MYO18B: variants seen among roughly 807,000 people sequenced by gnomAD.
MYO18B encodes myosin XVIIIB, also known as unconventional myosin-XVIIIb.
MYO18B carries 204 observed loss-of-function variants against 273.0 expected under a neutral mutation model. The ratio of observed to expected loss-of-function variants is 0.75; its 90% CI spans 0.67 to 0.84. MYO18B has a LOEUF of 0.84. Ranked by LOEUF, MYO18B falls within the 40% of genes least tolerant of loss-of-function variation. The pLI is 0.00. For missense variants in MYO18B, 3,212 were observed against 3,287.6 expected (o/e 0.98, Z 0.56); for synonymous variants, 1,330 against 1,305.7 (o/e 1.02, Z -0.40).
At chr22:25,862,011 G>A (rs1318729935) in intron 21 of MYO18B, among the ~76,000 whole-genome samples, 1 of 152,104 alleles carries the variant, frequency 6.6e-6, no homozygotes, top group Non-Finnish European at 1.5e-5. Context: ...AAAAAGGATG[G>A]TTGTGTCTGA....
In MYO18B at chr22:25,823,656, C is replaced by T. The variant is rs746038325; in HGVS notation, c.2673C>T (p.Leu891=). 2.2e-5 allele frequency: 35 copies of T among 1,613,806 alleles called. No homozygotes were observed. In the East Asian group the frequency reaches 2.5e-4, roughly 11 times the overall value. The change falls in exon 13 of 44, where the codon CTC becomes CTT. Residue 891 remains leucine (L), a synonymous_variant. Transcript: ENST00000335473. The part of the protein sequence containing the change: ...QMTFGPSRWG[L]EDEETSSGLK... ...CGTTTGGGCCAAGCCGATGGGGCCT[C>T]GAGGATGAGGAAACCAGCTCAGGTA... is the stretch of plus-strand genomic sequence containing the variant.
In MYO18B at chr22:25,797,015, G is replaced by A. The variant is rs147346559; in HGVS notation, c.2377-938G>A. On this transcript the variant is annotated intron_variant, in intron 11 of 43. Coordinates refer to ENST00000335473, the MANE Select transcript of MYO18B (RefSeq NM_032608.7). ...GGCTGAGGTGGGCAGATCACTTGAG[G>A]TCAGGAGTTCAAGACCAGCCTGGCC... Among the ~76,000 whole-genome samples, 263 of 152,256 alleles carry A rather than the reference G, an allele frequency of 1.7e-3. 2 individuals are homozygous for A. Among genetic ancestry groups the A allele is most frequent in the African/African-American group, 6.0e-3 (251 of 41,548 alleles).
In MYO18B at chr22:25,921,855, T is replaced by TGTGC. The variant is rs1491121593; in HGVS notation, c.5517+447_5517+448insTGCG. ...GTGTGTGTGTGTGTGTGTGTGTGTG[T>TGTGC]GGTGACTGCCAGGACTAGGTATGAG... On this transcript the variant is annotated intron_variant, in intron 34 of 43. Transcript: ENST00000335473. Among the ~76,000 whole-genome samples, 1,062 of 142,894 alleles carry TGTGC rather than the reference T, an allele frequency of 7.4e-3. 23 individuals are homozygous for TGTGC. Among genetic ancestry groups the TGTGC allele is most frequent in the African/African-American group, 0.025 (980 of 38,454 alleles). The allele number at this position is 142,894 out of a possible 152,430, so 93.7% of individuals were successfully genotyped here.
intron 39 of MYO18B, among the ~76,000 whole-genome samples, chr22:25,975,273 T>C (rs2093076836): frequency 6.6e-6 from 1 of 152,144 alleles, no homozygotes; most frequent in African/African-American, 2.4e-5. Context: ...AAATGGACCA[T>C]GAGTGGCCAA....
chr22:25,765,109 C>T (rs1183410922), intron 3 of MYO18B, among the ~76,000 whole-genome samples: 1 of 152,056 alleles, frequency 6.6e-6, no homozygotes, highest in Non-Finnish European at 1.5e-5. Context: ...AGAGTTAAGC[C>T]ATGGATGGGG....
chr22:25,969,609 A>C (rs1488827342), intron 39 of MYO18B, among the ~76,000 whole-genome samples: 1 of 152,218 alleles, frequency 6.6e-6, no homozygotes, highest in Non-Finnish European at 1.5e-5. Context: ...TTTACAGAAA[A>C]AAAAATCACT....
intron 21 of MYO18B, among the ~76,000 whole-genome samples, chr22:25,855,285 CTTTT>C (rs150338635): frequency 2.3e-5 from 3 of 132,350 alleles, no homozygotes; most frequent in Non-Finnish European, 3.1e-5. Flanking sequence ...TTATCTCATT[CTTTT>C]TTTTTTTTTT....
chr22:25,907,961 A>G (rs900242119), intron 31 of MYO18B, among the ~76,000 whole-genome samples: 1 of 146,976 alleles, frequency 6.8e-6, no homozygotes, highest in Non-Finnish European at 1.5e-5. Flanking sequence ...TAAAGCCAGG[A>G]GGTGGAGGTT....
intron 39 of MYO18B, among the ~76,000 whole-genome samples, chr22:25,981,222 C>G (rs772956076): frequency 1.3e-5 from 2 of 152,222 alleles, no homozygotes; most frequent in Admixed American, 6.5e-5. Flanking sequence ...TTCAACCTGT[C>G]TTCTCTGGGG....
intron 34 of MYO18B, among the ~76,000 whole-genome samples, chr22:25,929,104 G>T (rs954234486): frequency 6.8e-6 from 1 of 146,930 alleles, no homozygotes. Flanking sequence ...AGAGGTTGTG[G>T]TGAGCCAAGA....
chr22:25,839,045 CAT>C (rs546514073), intron 17 of MYO18B, among the ~76,000 whole-genome samples: 4 of 150,016 alleles, frequency 2.7e-5, no homozygotes, highest in Admixed American at 2.0e-4. Context: ...TGAGTGTATA[CAT>C]GTGTGTGCAT....
At chr22:25,887,524 C>T (rs1191423571) in intron 25 of MYO18B, among the ~76,000 whole-genome samples, 3 of 152,100 alleles carry the variant, frequency 2.0e-5, no homozygotes, top group Non-Finnish European at 4.4e-5. Flanking sequence ...GTGGTAGATC[C>T]GGAGAGGTTT....
intron 40 of MYO18B, among the ~76,000 whole-genome samples, chr22:25,999,654 C>CCTCCTCCTCCTCCTT (rs1555986339): frequency 7.2e-6 from 1 of 139,330 alleles, no homozygotes; most frequent in African/African-American, 2.9e-5. Context: ...TCCTCCTTCT[C>CCTCCTCCTCCTCCTT]CTCCTCCTCC....
intron 17 of MYO18B, among the ~76,000 whole-genome samples, chr22:25,836,782 G>GA (rs2089914897): frequency 6.6e-6 from 1 of 152,046 alleles, no homozygotes; most frequent in Non-Finnish European, 1.5e-5. Context: ...CCAACGTGGT[G>GA]AAACCCCATC....
Position 25,946,260 on chromosome 22 carries a change from C to G in MYO18B, c.5631+10C>G. 6.4e-7 allele frequency: 1 copy of G among 1,554,404 alleles called. No individual in the cohort carries two copies. The highest frequency in any genetic ancestry group is 1.4e-5 in the African/African-American group (1 of 72,572). On this transcript the variant is annotated intron_variant, in intron 35 of 43. Transcript: ENST00000335473. Reference sequence around the variant, plus strand: ...GCGGAACAAGAGCCTGGTACCTGTCCCTTCCTGCAGCTGCAGGGACCTGGG... The same window carrying G: ...GCGGAACAAGAGCCTGGTACCTGTCGCTTCCTGCAGCTGCAGGGACCTGGG...
chr22:26,036,086 C>T, the MYO18B span, among the ~76,000 whole-genome samples: 1 of 152,180 alleles, frequency 6.6e-6, no homozygotes. Context: ...AGAGGGGAGA[C>T]TGTTGTTGCA....
chr22:25,837,709 C>CTGA (rs1291888829), intron 17 of MYO18B, among the ~76,000 whole-genome samples: 1 of 152,190 alleles, frequency 6.6e-6, no homozygotes, highest in Admixed American at 6.5e-5. Context: ...GCAACAGCAT[C>CTGA]TGATGCCTCC....
intron 39 of MYO18B, among the ~76,000 whole-genome samples, chr22:25,967,821 G>A (rs924910293): frequency 6.6e-6 from 1 of 152,096 alleles, no homozygotes; most frequent in Non-Finnish European, 1.5e-5. Flanking sequence ...CGGTGTGCTG[G>A]GGTCAACCCG....
At chr22:25,778,321 GAGGAGGGCTGC>G (rs2086998239) in intron 8 of MYO18B, among the ~76,000 whole-genome samples, 1 of 152,298 alleles carries the variant, frequency 6.6e-6, no homozygotes, top group South Asian at 2.1e-4. Context: ...AGGGAGCGCA[GAGGAGGGCTGC>G]AGGAGGGCTT....
Sources: allele counts gnomAD v4.1 joint callset (sites outside exome capture counted in the v4.1 genomes callset), GRCh38; gene constraint gnomAD v4.1.1; transcripts MANE v1.5; gene names NCBI Gene and HGNC (gene_info 2026-07-23, HGNC 2026-07-21).